The following TLK1 variants were observed in gnomAD, a reference collection of about 807,000 sequenced individuals.
TLK1 encodes the protein serine/threonine-protein kinase tousled-like 1.
In TLK1, 24 loss-of-function variants were observed where a neutral mutation model predicts 105.3. That is an observed-to-expected ratio of 0.23 (90% CI 0.17 to 0.32). The LOEUF is 0.32. Ranked by LOEUF, TLK1 falls within the 10% of genes least tolerant of loss-of-function variation. The pLI, the probability that TLK1 is intolerant of heterozygous loss-of-function variation, is 1.00. For missense variants in TLK1, 558 were observed against 910.5 expected, an observed-to-expected ratio of 0.61 and a Z score of 4.98; for synonymous variants, 321 against 310.4, an observed-to-expected ratio of 1.03 and a Z score of -0.36.
intron 4 of TLK1, chr2:171,060,130 C>A: frequency 7.4e-7 from 1 of 1,355,838 alleles, no homozygotes; most frequent in East Asian, 2.5e-5. Context: ...GGCAACCATC[C>A]TAAAAACAAA....
intron 1 of TLK1, among the ~76,000 whole-genome samples, chr2:171,213,027 C>T (rs1693649065): frequency 6.6e-6 from 1 of 151,902 alleles, no homozygotes; most frequent in African/African-American, 2.4e-5. Context: ...GTAGACATTA[C>T]TTTGTAAAAT....
chr2:170,998,319 T>G (rs549905210), intron 18 of TLK1, among the ~76,000 whole-genome samples: 3 of 152,062 alleles, frequency 2.0e-5, no homozygotes, highest in Non-Finnish European at 4.4e-5. Flanking sequence ...CTTGTATCTC[T>G]TGTTTGTAAC....
chr2:171,064,493 T>C (rs1239159777), intron 3 of TLK1, among the ~76,000 whole-genome samples: 1 of 152,192 alleles, frequency 6.6e-6, no homozygotes, highest in Non-Finnish European at 1.5e-5. Flanking sequence ...AATGTGCACA[T>C]ATTAAACATT....
At chr2:171,218,433 A>T (rs1693753506) in intron 1 of TLK1, among the ~76,000 whole-genome samples, 1 of 152,236 alleles carries the variant, frequency 6.6e-6, no homozygotes, top group South Asian at 2.1e-4. Flanking sequence ...AGAGTTCTGG[A>T]AGAGACTGGT....
intron 1 of TLK1, among the ~76,000 whole-genome samples, chr2:171,157,237 C>A (rs1692274503): frequency 6.6e-6 from 1 of 152,146 alleles, no homozygotes; most frequent in Non-Finnish European, 1.5e-5. Flanking sequence ...CAGCAATAAC[C>A]CATTCAAAAG....
chr2:171,218,025 G>T (rs980915966), intron 1 of TLK1, among the ~76,000 whole-genome samples: 1 of 152,130 alleles, frequency 6.6e-6, no homozygotes. Context: ...AGGCGGAGGC[G>T]GGCAGATCAC....
chr2:171,076,111 A>G lies in TLK1; in HGVS notation c.330+6670T>C, dbSNP rs150253897. Among the ~76,000 whole-genome samples, 1,500 of 151,764 alleles carry G rather than the reference A, an allele frequency of 9.9e-3. 29 individuals carry two copies. Among genetic ancestry groups the G allele is most frequent in the African/African-American group, 0.034 (1,396 of 41,370 alleles). On this transcript the variant is annotated intron_variant, in intron 3 of 20. Coordinates refer to ENST00000431350, the MANE Select transcript of TLK1 (RefSeq NM_012290.5). The stretch of plus-strand genomic sequence containing the variant: ...CGGGTGCCTGTAATCCCAGCTACTC[A>G]GGGGGCTGAAGGAGGAGACTCGCTT...
At position 171,154,306 on chromosome 2, in the gene TLK1, C is replaced by T. The variant is rs528813787; in HGVS notation, c.139+5984G>A. On this transcript the variant is annotated intron_variant, in intron 1 of 20. Transcript: ENST00000431350. ...AACTTTCCCCTAATAAATTATATTA[C>T]GACTAATGTCACAGGAATGACAATA... 8 of 152,104 alleles carry T rather than the reference C, an allele frequency of 5.3e-5. No individual in the cohort carries two copies. The East Asian group carries it at 7.7e-4, about 15-fold the overall frequency. 9.4% of individuals were successfully genotyped at this position (152,104 alleles called of 1,614,324 possible).
At chr2:171,057,609 GCT>G (rs1268766540) in intron 5 of TLK1, among the ~76,000 whole-genome samples, 2 of 152,008 alleles carry the variant, frequency 1.3e-5, no homozygotes, top group African/African-American at 4.8e-5. Context: ...AGCCAATTCT[GCT>G]CTCTCAAGTA....
chr2:171,020,623 T>C (rs1029962840), intron 12 of TLK1, among the ~76,000 whole-genome samples: 1 of 152,070 alleles, frequency 6.6e-6, no homozygotes, highest in African/African-American at 2.4e-5. Context: ...TACTAATTTA[T>C]TTCGAATTTA....
rs548059782 is a variant in TLK1 at position 170,992,860 on chromosome 2, A to T, written c.*920T>A. 2.2e-4 allele frequency: 34 copies of T among 152,644 alleles called. No individual in the cohort carries two copies. The highest frequency in any genetic ancestry group is 4.4e-4 in the Non-Finnish European group (30 of 68,022). The allele number at this position is 152,644 out of a possible 1,614,324, so 9.5% of individuals were successfully genotyped here. A position where few individuals can be genotyped will look rare whatever the true frequency, so the allele number is the denominator to read the frequency against. On this transcript the variant is annotated 3_prime_UTR_variant, in exon 21 of 21. Coordinates refer to ENST00000431350, the MANE Select transcript of TLK1 (RefSeq NM_012290.5). ...CATTTGTACAAGAATAAGCTGCTGAAACTTAGTAATTGAAATATGACATCT... is the reference window on the plus strand; with the variant it reads ...CATTTGTACAAGAATAAGCTGCTGATACTTAGTAATTGAAATATGACATCT...
At chr2:171,055,269 T>C in intron 6 of TLK1, 97 bp from the exon 7 acceptor site, 1 of 737,836 alleles carries the variant, frequency 1.4e-6, no homozygotes, top group Non-Finnish European at 2.1e-6. Flanking sequence ...TTAACATTTC[T>C]GAAGAAGTTT....
chr2:171,129,800 A>G (rs963464760), intron 1 of TLK1, among the ~76,000 whole-genome samples: 1 of 151,682 alleles, frequency 6.6e-6, no homozygotes, highest in Admixed American at 6.6e-5. Flanking sequence ...CTGCCACCGC[A>G]CTCCAGCCTG....
chr2:171,002,778 GGT>G lies in TLK1; in HGVS notation c.1904+3367_1904+3368del, dbSNP rs1491400679. ...AGCCTCCTGTGTAGCTGGGATTACAGGTGTGTGCCACCACATTTGGCTAATTT... is the reference window on the plus strand; with the variant it reads ...AGCCTCCTGTGTAGCTGGGATTACAGGTGTGCCACCACATTTGGCTAATTT... On this transcript the variant is annotated intron_variant, in intron 18 of 20. Transcript: ENST00000431350. Among the ~76,000 whole-genome samples the G allele has an allele frequency of 4.6e-5, 7 of 152,116 alleles. No homozygotes were observed. The East Asian group carries it at 1.4e-3, about 30-fold the overall frequency.
intron 1 of TLK1, among the ~76,000 whole-genome samples, chr2:171,122,186 G>A (rs112598118): frequency 0.013 from 2,047 of 152,112 alleles, 49 homozygotes; most frequent in African/African-American, 0.046. Context: ...GGATGGTCTC[G>A]ATCTCTTGAC....
At chr2:171,168,901 T>C (rs545366764) in intron 1 of TLK1, among the ~76,000 whole-genome samples, 1 of 152,160 alleles carries the variant, frequency 6.6e-6, no homozygotes, top group African/African-American at 2.4e-5. Flanking sequence ...GCCAACATGG[T>C]GAAACCTCGT....
intron 14 of TLK1, among the ~76,000 whole-genome samples, chr2:171,010,119 C>T (rs1684837200): frequency 6.6e-6 from 1 of 152,066 alleles, no homozygotes; most frequent in South Asian, 2.1e-4. Flanking sequence ...CTATGAGGTT[C>T]CGGAAGAAGC....
intron 1 of TLK1, among the ~76,000 whole-genome samples, chr2:171,216,598 T>C (rs533899231): frequency 6.6e-6 from 1 of 152,330 alleles, no homozygotes; most frequent in Non-Finnish European, 1.5e-5. Flanking sequence ...TTGAATTGTG[T>C]CCCTCCTCAC....
At chr2:171,012,910 G>A (rs1204448906) in intron 13 of TLK1, among the ~76,000 whole-genome samples, 2 of 152,042 alleles carry the variant, frequency 1.3e-5, no homozygotes, top group Non-Finnish European at 2.9e-5. Flanking sequence ...AGCTGTAACA[G>A]TTGATTTTAT....
Sources: gnomAD v4.1 joint callset for allele counts (sites outside exome capture counted in the v4.1 genomes callset) on GRCh38, gnomAD v4.1.1 for gene constraint, MANE v1.5 for transcripts, NCBI Gene and HGNC (gene_info 2026-07-23, HGNC 2026-07-21) for gene names.